CACNA2D3: variants seen among roughly 807,000 people sequenced by gnomAD.
The protein encoded by CACNA2D3 is voltage-dependent calcium channel subunit alpha-2/delta-3.
CACNA2D3 carries 60 observed loss-of-function variants against 160.6 expected under a neutral mutation model. That is an observed-to-expected ratio of 0.37 (90% CI 0.30 to 0.46). The LOEUF (loss-of-function observed/expected upper bound fraction) is 0.46. Ranked by LOEUF, CACNA2D3 falls within the 20% of genes least tolerant of loss-of-function variation. CACNA2D3 has a pLI of 1.00. For synonymous variants in CACNA2D3, 558 were observed against 492.9 expected (o/e 1.13, Z -1.75); for missense variants, 1,205 against 1,365.0 (o/e 0.88, Z 1.85).
At chr3:54,972,387 C>T (rs1279991958) in intron 29 of CACNA2D3, among the ~76,000 whole-genome samples, 1 of 152,188 alleles carries the variant, frequency 6.6e-6, no homozygotes, top group Non-Finnish European at 1.5e-5. Context: ...GTCAGTCCTG[C>T]CTTCTCACCA....
At chr3:55,052,256 T>C (rs549006215) in intron 35 of CACNA2D3, among the ~76,000 whole-genome samples, 1 of 152,332 alleles carries the variant, frequency 6.6e-6, no homozygotes, top group African/African-American at 2.4e-5. Context: ...ACTTTTCTGT[T>C]ACTGATTTGG....
At chr3:54,673,549 A>G (rs961050541) in intron 11 of CACNA2D3, among the ~76,000 whole-genome samples, 4 of 152,252 alleles carry the variant, frequency 2.6e-5, no homozygotes, top group Non-Finnish European at 5.9e-5. Context: ...TGTAAGTCTC[A>G]AAAACTTAGA....
chr3:54,134,390 C>A (rs1332920432), intron 2 of CACNA2D3, among the ~76,000 whole-genome samples: 2 of 152,116 alleles, frequency 1.3e-5, no homozygotes, highest in African/African-American at 2.4e-5. Context: ...TAGCACAGAG[C>A]GATCTATGGG....
Position 54,846,449 on chromosome 3 carries a change from T to C in CACNA2D3, c.1608T>C (p.His536=). The C allele has an allele frequency of 6.2e-7, 1 of 1,600,524 alleles. No individual in the cohort carries two copies. Among genetic ancestry groups the C allele is most frequent in the Non-Finnish European group, 8.5e-7 (1 of 1,171,748 alleles). ...AITNNGYILT[H]PELRLLYEEG... ...CAAATAATGGATATATCCTGACGCATCCGGAACTCAGGCTGCTGGTAAGAG... is the reference window on the plus strand; with the variant it reads ...CAAATAATGGATATATCCTGACGCACCCGGAACTCAGGCTGCTGGTAAGAG... The change falls in exon 17 of 38, where the codon CAT becomes CAC. Residue 536 remains histidine, a synonymous_variant. Transcript: ENST00000474759.
At chr3:55,055,709 C>CT (rs1469999379) in intron 35 of CACNA2D3, among the ~76,000 whole-genome samples, 1 of 151,998 alleles carries the variant, frequency 6.6e-6, no homozygotes, top group Non-Finnish European at 1.5e-5. Context: ...TTGGTGGCTT[C>CT]TTTAGTTTCT....
At chr3:54,878,415 C>G (rs1699714695) in intron 18 of CACNA2D3, among the ~76,000 whole-genome samples, 1 of 152,038 alleles carries the variant, frequency 6.6e-6, no homozygotes, top group South Asian at 2.1e-4. Flanking sequence ...GAGCCAGGCT[C>G]GCTGCTCCTA....
intron 3 of CACNA2D3, among the ~76,000 whole-genome samples, chr3:54,353,876 C>A (rs1422625115): frequency 6.6e-6 from 1 of 152,080 alleles, no homozygotes; most frequent in Non-Finnish European, 1.5e-5. Context: ...CAGGGTGATG[C>A]TTGGTTCTGT....
At chr3:54,587,429 T>G (rs1221342326) in intron 9 of CACNA2D3, among the ~76,000 whole-genome samples, 1 of 152,042 alleles carries the variant, frequency 6.6e-6, no homozygotes, top group Non-Finnish European at 1.5e-5. Flanking sequence ...TGGTGGCATG[T>G]GCCTATAGTC....
At chr3:54,847,200 T>G (rs2106775867) in intron 17 of CACNA2D3, among the ~76,000 whole-genome samples, 1 of 152,366 alleles carries the variant, frequency 6.6e-6, no homozygotes, top group African/African-American at 2.4e-5. Context: ...TTGCCACCCC[T>G]GAACTAGTTG....
chr3:54,975,216 C>T (rs1336524593), intron 29 of CACNA2D3, among the ~76,000 whole-genome samples: 1 of 152,090 alleles, frequency 6.6e-6, no homozygotes. Context: ...AAAGTAACAG[C>T]AGTGTCTATA....
rs1317523878 is a variant in CACNA2D3, at chr3:54,764,338, A to G, written c.1367A>G (p.Tyr456Cys). The G allele has an allele frequency of 6.2e-7, 1 of 1,613,760 alleles. No individual in the cohort carries two copies. Among genetic ancestry groups the G allele is most frequent in the Non-Finnish European group, 8.5e-7 (1 of 1,179,804 alleles). The change falls in exon 13 of 38, where the codon TAC becomes TGC. Residue 456 changes from tyrosine (Y) to cysteine (C), a missense_variant. Around this residue, in one of 3 missense-constraint regions of CACNA2D3, gnomAD observed 911 missense variants for 1,002.2 expected, o/e 0.91. Coordinates refer to ENST00000474759, the MANE Select transcript of CACNA2D3 (RefSeq NM_018398.3). ...CATGATGTGGTGTGGACCGAAGCTT[A>G]CATTGACAGCACTGTGAGTCCACGG... ...QEHDVVWTEA[Y>C]IDSTLPQAQK...
chr3:54,914,631 G>T (rs1700623721), intron 27 of CACNA2D3, among the ~76,000 whole-genome samples: 1 of 152,192 alleles, frequency 6.6e-6, no homozygotes, highest in African/African-American at 2.4e-5. Flanking sequence ...AAAGGGAAGT[G>T]GTTGATTAGG....
At chr3:54,897,150 T>C (rs187618407) in intron 26 of CACNA2D3, among the ~76,000 whole-genome samples, 116 of 152,324 alleles carry the variant, frequency 7.6e-4, no homozygotes, top group Admixed American at 6.5e-3. Context: ...AACTTGTCAG[T>C]CAGTTTTTTT....
intron 4 of CACNA2D3, among the ~76,000 whole-genome samples, chr3:54,390,376 G>GA (rs1220750681): frequency 1.3e-5 from 2 of 152,072 alleles, no homozygotes; most frequent in African/African-American, 4.8e-5. Flanking sequence ...CATCTCTCTT[G>GA]AAAAAATGAG....
At chr3:55,042,064 T>G (rs1703969835) in intron 35 of CACNA2D3, among the ~76,000 whole-genome samples, 1 of 152,174 alleles carries the variant, frequency 6.6e-6, no homozygotes. Context: ...AATTTTATGG[T>G]CCAGAATATT....
At chr3:54,570,452 A>G (rs1481140192) in intron 8 of CACNA2D3, among the ~76,000 whole-genome samples, 1 of 152,158 alleles carries the variant, frequency 6.6e-6, no homozygotes, top group African/African-American at 2.4e-5. Context: ...AATTTCTCAC[A>G]TGGAAATTAA....
chr3:54,722,771 G>A (rs945321836), intron 11 of CACNA2D3, among the ~76,000 whole-genome samples: 26 of 152,288 alleles, frequency 1.7e-4, no homozygotes, highest in African/African-American at 4.3e-4. Flanking sequence ...TGGAGGCTTC[G>A]TCCCAGAGGG....
At chr3:54,926,977 C>G (rs554667218) in intron 27 of CACNA2D3, among the ~76,000 whole-genome samples, 9 of 151,938 alleles carry the variant, frequency 5.9e-5, no homozygotes, top group Non-Finnish European at 1.2e-4. Flanking sequence ...TTTTTTGAGA[C>G]TTGAATTTCA....
intron 9 of CACNA2D3, among the ~76,000 whole-genome samples, chr3:54,589,657 A>T (rs1438298191): frequency 1.3e-5 from 2 of 152,196 alleles, no homozygotes; most frequent in Non-Finnish European, 2.9e-5. Flanking sequence ...GCAGATGTCC[A>T]CATGTCCACA....
Sources: gnomAD v4.1 joint callset for allele counts (sites outside exome capture counted in the v4.1 genomes callset) on GRCh38, gnomAD v4.1.1 for gene constraint, gnomAD v4.1.1 regional missense constraint, MANE v1.5 for transcripts, NCBI Gene and HGNC (gene_info 2026-07-23, HGNC 2026-07-21) for gene names.